Variants in IL4I1 observed in about 807,000 individuals in gnomAD.
IL4I1 encodes the protein interleukin 4 induced 1.
A neutral mutation model predicts 29.7 loss-of-function variants in IL4I1; 24 were observed. That is an observed-to-expected ratio of 0.81 (90% confidence interval 0.59 to 1.14). The LOEUF (loss-of-function observed/expected upper bound fraction) is 1.14, where lower values mean the gene tolerates loss of function less well. IL4I1 is among the 50% of genes most tolerant of loss of function. The pLI, the probability that IL4I1 is intolerant of heterozygous loss-of-function variation, is 0.00. For missense variants in IL4I1, 686 were observed against 785.6 expected (o/e 0.87, Z 1.52); for synonymous variants, 371 against 352.5 (o/e 1.05, Z -0.59).
intron 5 of IL4I1, among the ~76,000 whole-genome samples, chr19:49,892,465 C>A (rs140816726): frequency 2.0e-5 from 3 of 152,328 alleles, no homozygotes; most frequent in Non-Finnish European, 4.4e-5. Flanking sequence ...CCCCACTTAC[C>A]TCAGTCCATG....
intron 4 of IL4I1, 148 bp downstream of exon 4, chr19:49,894,920 G>A (rs773454181): frequency 9.4e-5 from 61 of 648,410 alleles, no homozygotes; most frequent in Non-Finnish European, 1.5e-4. Flanking sequence ...TGGCGCTGGA[G>A]GCAAGACTGA....
At chr19:49,927,689 T>G (rs1055845473) in intron 2 of IL4I1, 4 of 152,254 alleles carry the variant, frequency 2.6e-5, no homozygotes, top group Non-Finnish European at 5.9e-5. Flanking sequence ...GAAGCTTGTG[T>G]GTACCGCTCA....
chr19:49,903,995 C>A (rs539579212), intron 3 of IL4I1, among the ~76,000 whole-genome samples: 6 of 150,316 alleles, frequency 4.0e-5, no homozygotes, highest in African/African-American at 1.5e-4. Flanking sequence ...GGAGCCACTA[C>A]GCCAGGCTAA....
chr19:49,908,265 G>A (rs1275705829), intron 2 of IL4I1: 6 of 1,613,436 alleles, frequency 3.7e-6, no homozygotes, highest in Admixed American at 1.7e-5. Context: ...CGGAAGCTGC[G>A]CTCCTGCTCC....
At position 49,890,381 on chromosome 19, in the gene IL4I1, G is replaced by A; in HGVS notation, c.993C>T (p.Thr331=). 1 of 1,602,896 alleles carries A rather than the reference G, an allele frequency of 6.2e-7. No individual in the cohort carries two copies. Among genetic ancestry groups the A allele is most frequent in the East Asian group, 2.2e-5 (1 of 44,628 alleles). ...TGTGGCGGGGCAGCGGCGGCGAGAA[G>A]GTGATGCGCTTCACCGCCGGTCCGC... is the stretch of plus-strand genomic sequence containing the variant. The part of the protein sequence containing the change: ...TASGPAVKRI[T]FSPPLPRHMQ... Residue 331 remains threonine (T), a synonymous_variant, in exon 8 of 8, where the codon ACC becomes ACT. Transcript: ENST00000391826.
chr19:49,908,868 G>C, intron 2 of IL4I1: 1 of 1,611,448 alleles, frequency 6.2e-7, no homozygotes, highest in Non-Finnish European at 8.5e-7. Flanking sequence ...CCAGGGCCAG[G>C]TGGAGCGGTC....
At chr19:49,909,706 G>C (rs773485886) in intron 2 of IL4I1, 1 of 1,614,056 alleles carries the variant, frequency 6.2e-7, no homozygotes, top group Non-Finnish European at 8.5e-7. Context: ...CAGAGGTGGA[G>C]AAAGAAAACC....
At chr19:49,923,195 C>T (rs79313658) in intron 2 of IL4I1, among the ~76,000 whole-genome samples, 4 of 152,282 alleles carry the variant, frequency 2.6e-5, no homozygotes, top group African/African-American at 7.2e-5. Context: ...TCCCAGCCCC[C>T]GCGTCATCCT....
intron 2 of IL4I1, among the ~76,000 whole-genome samples, chr19:49,914,227 G>C (rs1348681817): frequency 2.0e-5 from 3 of 152,224 alleles, no homozygotes; most frequent in Non-Finnish European, 4.4e-5. Context: ...TACGAGCTCT[G>C]ATCCCGGAAT....
chr19:49,890,737 G>T, intron 7 of IL4I1, 137 bp from the exon 8 acceptor site: 1 of 586,354 alleles, frequency 1.7e-6, no homozygotes, highest in Non-Finnish European at 2.4e-6. Context: ...TCCCGACCCC[G>T]CCCGTCCCTG....
chr19:49,897,941 G>C (rs928609081), upstream of IL4I1, among the ~76,000 whole-genome samples: 4 of 152,230 alleles, frequency 2.6e-5, no homozygotes, highest in Non-Finnish European at 5.9e-5. Flanking sequence ...GAGTAACAAG[G>C]CATGTGACGC....
At chr19:49,890,928 T>TTCCCCCCCCCC in intron 7 of IL4I1, 43 bp downstream of exon 7, 1 of 633,208 alleles carries the variant, frequency 1.6e-6, no homozygotes, top group Non-Finnish European at 2.4e-6. Context: ...TTTCCCTGAT[T>TTCCCCCCCCCC]GCCCCCCGCC....
chr19:49,919,948 G>A (rs765459291), intron 2 of IL4I1, among the ~76,000 whole-genome samples: 1 of 151,560 alleles, frequency 6.6e-6, no homozygotes, highest in Non-Finnish European at 1.5e-5. Flanking sequence ...TTTTTTCTAA[G>A]ACAAGGTCTC....
intron 2 of IL4I1, chr19:49,909,303 A>G: frequency 6.2e-7 from 1 of 1,613,888 alleles, no homozygotes; most frequent in Non-Finnish European, 8.5e-7. Flanking sequence ...TTGAAACCGG[A>G]GGGTTGGGCC....
At chr19:49,925,122 G>C (rs2075855418) in intron 2 of IL4I1, among the ~76,000 whole-genome samples, 1 of 152,022 alleles carries the variant, frequency 6.6e-6, no homozygotes, top group South Asian at 2.1e-4. Context: ...TTAGCCATGT[G>C]TGGTGACACA....
chr19:49,927,349 T>C lies in IL4I1; in HGVS notation c.-228+345A>G, dbSNP rs535638478. ...CCTGGGGCCACATTGAAGAATTGTC[T>C]TAGGCCACACATAACATACACTATT... On this transcript the variant is annotated intron_variant, in intron 2 of 9. Transcript: ENST00000341114. Among the ~76,000 whole-genome samples, 94 of 152,202 alleles carry C rather than the reference T, an allele frequency of 6.2e-4. 1 individual carries two copies. Among genetic ancestry groups the C allele is most frequent in the Middle Eastern group, 3.4e-3 (1 of 294 alleles).
intron 2 of IL4I1, among the ~76,000 whole-genome samples, chr19:49,912,296 G>C (rs1430748340): frequency 4.6e-5 from 7 of 150,780 alleles, no homozygotes; most frequent in African/African-American, 1.7e-4. Context: ...CAGCTTCCAA[G>C]TAGCTGGGAT....
chr19:49,925,428 C>G (rs1000119806), intron 2 of IL4I1, among the ~76,000 whole-genome samples: 16 of 144,854 alleles, frequency 1.1e-4, no homozygotes, highest in East Asian at 4.2e-4. Flanking sequence ...GACCCTCCCC[C>G]CCATCTCTAC....
At chr19:49,905,484 A>G (rs1329046432) in intron 2 of IL4I1, among the ~76,000 whole-genome samples, 1 of 152,238 alleles carries the variant, frequency 6.6e-6, no homozygotes, top group Non-Finnish European at 1.5e-5. Flanking sequence ...GCTTTCAGAG[A>G]GAAGTAGCTG....
Sources: allele counts gnomAD v4.1 joint callset (sites outside exome capture counted in the v4.1 genomes callset), GRCh38; gene constraint gnomAD v4.1.1; transcripts MANE v1.5; gene names NCBI Gene and HGNC (gene_info 2026-07-23, HGNC 2026-07-21).